NALF1: variants seen among roughly 807,000 people sequenced by gnomAD.
NALF1 encodes family with sequence similarity 155 member A.
A neutral mutation model predicts 48.4 loss-of-function variants in NALF1; 3 were observed. That is an observed-to-expected ratio of 0.06 (90% CI 0.03 to 0.16). The LOEUF is 0.16. Among genes scored for constraint, NALF1 ranks in the 10% least tolerant of loss-of-function variants. NALF1 has a pLI of 1.00. For synonymous variants in NALF1, 262 were observed against 245.7 expected (o/e 1.07, Z -0.62); for missense variants, 526 against 571.5 (o/e 0.92, Z 0.81).
chr13:107,602,752 T>C (rs1878963638), intron 1 of NALF1, among the ~76,000 whole-genome samples: 1 of 152,208 alleles, frequency 6.6e-6, no homozygotes, highest in Non-Finnish European at 1.5e-5. Flanking sequence ...CATGCTTATA[T>C]TTGCTAGTTT....
intron 1 of NALF1, among the ~76,000 whole-genome samples, chr13:107,325,741 T>A (rs1882339089): frequency 6.7e-6 from 1 of 150,248 alleles, no homozygotes; most frequent in African/African-American, 2.4e-5. Context: ...CTGGGGGCGC[T>A]GAGGTAGGAG....
rs1216963975 is a variant in NALF1 at position 107,442,261 on chromosome 13, G to A, written c.916-231506C>T. ...AGATCCTAGCAAGATTTAGGTCTCAGTAAGAACAATTTAGAATTCAGACAG... is the reference window on the plus strand; with the variant it reads ...AGATCCTAGCAAGATTTAGGTCTCAATAAGAACAATTTAGAATTCAGACAG... On this transcript the variant is annotated intron_variant, in intron 1 of 2. Coordinates refer to ENST00000375915, the MANE Select transcript of NALF1 (RefSeq NM_001080396.3). Among the ~76,000 whole-genome samples the A allele has an allele frequency of 7.9e-5, 12 of 152,332 alleles. No individual in the cohort carries two copies. In the South Asian group the frequency reaches 2.5e-3, roughly 32 times the overall value.
At chr13:107,188,493 C>T (rs920210324) in intron 2 of NALF1, among the ~76,000 whole-genome samples, 2 of 151,922 alleles carry the variant, frequency 1.3e-5, no homozygotes, top group African/African-American at 4.8e-5. Flanking sequence ...GATATCTATA[C>T]ATTTATAATT....
At chr13:107,509,165 G>A (rs1366988696) in intron 1 of NALF1, among the ~76,000 whole-genome samples, 3 of 151,962 alleles carry the variant, frequency 2.0e-5, no homozygotes, top group African/African-American at 7.3e-5. Context: ...TCTACTGTTA[G>A]CTTATATATT....
At chr13:107,646,029 C>G (rs1306559796) in intron 1 of NALF1, among the ~76,000 whole-genome samples, 1 of 152,206 alleles carries the variant, frequency 6.6e-6, no homozygotes, top group South Asian at 2.1e-4. Context: ...ATGGGGAAAA[C>G]AGGATGCAGC....
chr13:107,550,960 TTA>T (rs917500623), intron 1 of NALF1, among the ~76,000 whole-genome samples: 1 of 152,128 alleles, frequency 6.6e-6, no homozygotes, highest in African/African-American at 2.4e-5. Context: ...CTTTTTATCC[TTA>T]TATGTTGTTC....
At chr13:107,778,958 TACTATTTA>T (rs1459343374) in intron 1 of NALF1, among the ~76,000 whole-genome samples, 1 of 152,218 alleles carries the variant, frequency 6.6e-6, no homozygotes, top group Non-Finnish European at 1.5e-5. Flanking sequence ...AAAAAAGTAT[TACTATTTA>T]ACTATTTAAC....
chr13:107,830,416 G>A (rs936034179), intron 1 of NALF1, among the ~76,000 whole-genome samples: 5 of 152,164 alleles, frequency 3.3e-5, no homozygotes, highest in Admixed American at 2.0e-4. Flanking sequence ...ATGCACAAGG[G>A]TTCCAATCGC....
At chr13:107,392,604 G>T (rs1883645461) in intron 1 of NALF1, among the ~76,000 whole-genome samples, 2 of 152,128 alleles carry the variant, frequency 1.3e-5, no homozygotes, top group Non-Finnish European at 2.9e-5. Context: ...AAGTCTCCAA[G>T]ATTTGTGGTG....
intron 1 of NALF1, among the ~76,000 whole-genome samples, chr13:107,713,092 T>G (rs1379504248): frequency 6.6e-6 from 1 of 152,130 alleles, no homozygotes; most frequent in Non-Finnish European, 1.5e-5. Context: ...CATCCACAGG[T>G]CAGAACCACG....
chr13:107,669,531 A>C (rs369853046), intron 1 of NALF1, among the ~76,000 whole-genome samples: 12 of 152,306 alleles, frequency 7.9e-5, no homozygotes, highest in Admixed American at 2.6e-4. Context: ...TTCTCTGAAG[A>C]AGCACGGAGC....
chr13:107,498,053 T>C (rs1594095351), intron 1 of NALF1, among the ~76,000 whole-genome samples: 1 of 151,676 alleles, frequency 6.6e-6, no homozygotes, highest in East Asian at 1.9e-4. Flanking sequence ...AATAACGTGA[T>C]ATTTTATTAG....
chr13:107,486,851 C>CT (rs1018611609), intron 1 of NALF1, among the ~76,000 whole-genome samples: 9 of 151,940 alleles, frequency 5.9e-5, no homozygotes, highest in African/African-American at 1.9e-4. Context: ...TGGAGGTAAA[C>CT]TTTTTTTGAG....
At chr13:107,707,594 C>T (rs74112577) in intron 1 of NALF1, among the ~76,000 whole-genome samples, 2,563 of 152,258 alleles carry the variant, frequency 0.017, 74 homozygotes, top group African/African-American at 0.059. Context: ...TTGAGCCAAG[C>T]GGGCAGGAAT....
At chr13:107,425,082 T>A (rs1258413489) in intron 1 of NALF1, among the ~76,000 whole-genome samples, 1 of 152,198 alleles carries the variant, frequency 6.6e-6, no homozygotes, top group African/African-American at 2.4e-5. Context: ...CGTATTTTGC[T>A]CCTAATTTTT....
Position 107,262,061 on chromosome 13 carries a change from G to A in NALF1, c.916-51306C>T, listed in dbSNP as rs145071349. On this transcript the variant is annotated intron_variant, in intron 1 of 2. Transcript: ENST00000375915. The stretch of plus-strand genomic sequence containing the variant: ...TTAAGATCCAAATAAATAAATAAAT[G>A]AATAAATAAAATTCAGCATGCTTCT... 8.5e-3 allele frequency among the ~76,000 whole-genome samples: 1,286 copies of A among 152,120 alleles called. 16 individuals are homozygous for A. The highest frequency in any genetic ancestry group is 0.029 in the African/African-American group (1,193 of 41,478).
chr13:107,675,063 T>C (rs929250196), intron 1 of NALF1, among the ~76,000 whole-genome samples: 3 of 152,190 alleles, frequency 2.0e-5, no homozygotes, highest in Non-Finnish European at 4.4e-5. Context: ...GGTAGTGGAC[T>C]CAGCAGATAG....
intron 1 of NALF1, among the ~76,000 whole-genome samples, chr13:107,717,365 A>G (rs1199182272): frequency 2.0e-5 from 3 of 152,216 alleles, no homozygotes; most frequent in Non-Finnish European, 4.4e-5. Context: ...CTGAAGTCCC[A>G]GCACATACCC....
intron 1 of NALF1, among the ~76,000 whole-genome samples, chr13:107,710,414 G>A (rs370270488): frequency 6.6e-5 from 10 of 152,084 alleles, no homozygotes; most frequent in African/African-American, 1.7e-4. Context: ...TAGGGCTTGC[G>A]TTAGTTCGTT....
Sources: allele counts gnomAD v4.1 joint callset (sites outside exome capture counted in the v4.1 genomes callset), GRCh38; gene constraint gnomAD v4.1.1; transcripts MANE v1.5; gene names NCBI Gene and HGNC (gene_info 2026-07-23, HGNC 2026-07-21).